The following BTK variants were observed in gnomAD, a reference collection of about 807,000 sequenced individuals.
BTK encodes the protein tyrosine-protein kinase BTK.
BTK carries 5 observed loss-of-function variants against 57.4 expected under a neutral mutation model. The ratio of observed to expected loss-of-function variants is 0.09; its 90% CI spans 0.05 to 0.18. The LOEUF is 0.18. Among genes scored for constraint, BTK ranks in the 10% least tolerant of loss-of-function variants. The probability of loss-of-function intolerance (pLI) is 1.00; values close to 1 mark genes in which losing one functional copy is unlikely to be tolerated. For synonymous variants in BTK, 154 were observed against 174.3 expected (o/e 0.88, Z 0.92); for missense variants, 194 against 501.2 (o/e 0.39, Z 5.85).
rs128621200 is a variant in BTK at position 101,356,102 on chromosome X, A to G, written c.1516T>C (p.Cys506Arg). The part of the protein sequence containing the change: ...QQLLEMCKDV[C>R]EAMEYLESKQ... Reference sequence around the variant, plus strand: ...GACTCCAGGTATTCCATGGCTTCACAGACATCCTTGCACATCTCTAGCAGC... The same window carrying G: ...GACTCCAGGTATTCCATGGCTTCACGGACATCCTTGCACATCTCTAGCAGC... Residue 506 changes from cysteine to arginine, a missense_variant, in exon 15 of 19, where the codon TGT (cysteine) becomes CGT (arginine). Around this residue, in one of 3 missense-constraint regions of BTK, gnomAD observed 79 missense variants for 217.7 expected, o/e 0.36. Coordinates refer to ENST00000308731, the MANE Select transcript of BTK (RefSeq NM_000061.3). 1 of 1,211,505 alleles carries G rather than the reference A, an allele frequency of 8.3e-7. No individual in the cohort carries two copies. The highest frequency in any genetic ancestry group is 1.1e-6 in the Non-Finnish European group (1 of 895,511).
chrX:101,383,965 A>T (rs1163541924), intron 1 of BTK, among the ~76,000 whole-genome samples: 1 of 111,575 alleles, frequency 9.0e-6, no homozygotes, highest in African/African-American at 3.3e-5. Context: ...AAATATGTCA[A>T]GGCCTCTTTT....
Position 101,349,965 on chromosome X carries a change from A to G in BTK, c.1909-9T>C, listed in dbSNP as rs782702231. ...GGACGCTCATCTGCTTTCTAAAACC[A>G]AAGAAAAAGTAAAGTGTTAGAGTGG... On this transcript the variant is annotated splice_polypyrimidine_tract_variant and intron_variant, in intron 18 of 18. Coordinates refer to ENST00000308731, the MANE Select transcript of BTK (RefSeq NM_000061.3). The G allele has an allele frequency of 6.5e-4, 773 of 1,180,184 alleles. 1 individual carries two copies. Among genetic ancestry groups the G allele is most frequent in the Non-Finnish European group, 8.2e-4 (713 of 868,523 alleles).
upstream of BTK, among the ~76,000 whole-genome samples, chrX:101,390,306 TTGA>T (rs1231657164): frequency 2.4e-4 from 27 of 112,138 alleles, no homozygotes; most frequent in Admixed American, 1.0e-3. Context: ...ACTTCTAGGC[TTGA>T]TGATTGCTAT....
chrX:101,372,745 T>C (rs189332553), intron 3 of BTK, among the ~76,000 whole-genome samples: 13 of 105,697 alleles, frequency 1.2e-4, no homozygotes, highest in Admixed American at 5.0e-4. Context: ...ACGCCCCACC[T>C]GAAATGCTAT....
intron 8 of BTK, 61 bp from the exon 9 acceptor site, chrX:101,360,211 C>T (rs1387592143): frequency 1.2e-6 from 1 of 828,364 alleles, no homozygotes; most frequent in Non-Finnish European, 1.8e-6. Flanking sequence ...GAGACAGATT[C>T]ATATGCCCAC....
chrX:101,354,562 A>G (rs2147425670), intron 16 of BTK, 68 bp downstream of exon 16: 1 of 1,057,333 alleles, frequency 9.5e-7, no homozygotes, highest in African/African-American at 1.8e-5. Context: ...TAAAACTGTA[A>G]CACCTACCCA....
At chrX:101,357,619 T>C (rs897305630) in intron 12 of BTK, 36 bp from the exon 13 acceptor site, 1 of 1,118,303 alleles carries the variant, frequency 8.9e-7, no homozygotes, top group East Asian at 3.0e-5. Flanking sequence ...GTTGGTGTGG[T>C]GTAGGAGGTG....
chrX:101,350,909 T>C (rs1285745221), intron 18 of BTK, among the ~76,000 whole-genome samples: 2 of 112,268 alleles, frequency 1.8e-5, no homozygotes, highest in African/African-American at 3.2e-5. Flanking sequence ...CTTAGCTGAG[T>C]ATCAGAATTT....
intron 18 of BTK, among the ~76,000 whole-genome samples, chrX:101,351,608 ACT>A (rs1485980794): frequency 9.0e-6 from 1 of 111,439 alleles, no homozygotes; most frequent in Admixed American, 9.6e-5. Flanking sequence ...CTTGTTGGAC[ACT>A]CTGAAGAGTT....
intron 1 of BTK, among the ~76,000 whole-genome samples, chrX:101,383,597 G>A (rs1302171020): frequency 1.9e-5 from 2 of 107,761 alleles, no homozygotes; most frequent in Non-Finnish European, 3.8e-5. Flanking sequence ...CTTCCAGCTT[G>A]TCTAAAACTT....
At position 101,356,813 on chromosome X, in the gene BTK, A is replaced by C; in HGVS notation, c.1320T>G (p.Asp440Glu). 1 of 1,211,729 alleles carries C rather than the reference A, an allele frequency of 8.3e-7. No individual in the cohort carries two copies. The highest frequency in any genetic ancestry group is 1.1e-6 in the Non-Finnish European group (1 of 895,541). Residue 440 changes from aspartate to glutamate, a missense_variant, in exon 14 of 19, where the codon GAT becomes GAG. Coordinates refer to ENST00000308731, the MANE Select transcript of BTK (RefSeq NM_000061.3). ...KMIKEGSMSE[D>E]EFIEEAKVMM... ...TGACTTTGGCTTCTTCAATGAATTC[A>C]TCTTCAGACATGGAGCCTTCTTTGA...
In BTK at chrX:101,359,060, C is replaced by T. The variant is rs372085454; in HGVS notation, c.894+233G>A. Among the ~76,000 whole-genome samples the T allele has an allele frequency of 6.1e-4, 68 of 111,848 alleles. 1 individual carries two copies. The highest frequency in any genetic ancestry group is 2.0e-3 in the African/African-American group (60 of 30,757). ...GGCTGAGGTAGGAGAATTACTTGAACCCAGAAGGCGGAGGTTGCAGTGAGC... is the reference window on the plus strand; with the variant it reads ...GGCTGAGGTAGGAGAATTACTTGAATCCAGAAGGCGGAGGTTGCAGTGAGC... On this transcript the variant is annotated intron_variant, in intron 10 of 18. Coordinates refer to ENST00000308731, the MANE Select transcript of BTK (RefSeq NM_000061.3).
At chrX:101,387,924 TGG>T (rs1927671983), upstream of BTK, among the ~76,000 whole-genome samples, 1 of 107,038 alleles carries the variant, frequency 9.3e-6, no homozygotes, top group Admixed American at 1.0e-4. Flanking sequence ...TGGAGTGCAG[TGG>T]CATGATCTCG....
chrX:101,387,492 T>C (rs926624581), upstream of BTK, among the ~76,000 whole-genome samples: 1 of 107,238 alleles, frequency 9.3e-6, no homozygotes, highest in Non-Finnish European at 1.9e-5. Context: ...CCTGGGACTA[T>C]AGGCACACAT....
rs1166507197 is a variant in BTK at position 101,349,644 on chromosome X, A to G, written c.*241T>C. On this transcript the variant is annotated 3_prime_UTR_variant, in exon 19 of 19. Coordinates refer to ENST00000308731, the MANE Select transcript of BTK (RefSeq NM_000061.3). ...CCCTCCTAAAAAATATTTTCATCGC[A>G]AATTCAGTCTGTCTTAATTCTCTCG... 1 of 375,569 alleles carries G rather than the reference A, an allele frequency of 2.7e-6. No individual in the cohort carries two copies. The highest frequency in any genetic ancestry group is 4.6e-6 in the Non-Finnish European group (1 of 216,591). The allele number at this position is 375,569 out of a possible 1,213,427, so 31.0% of individuals were successfully genotyped here.
At chrX:101,371,549 G>A in intron 4 of BTK, 84 bp downstream of exon 4, 1 of 837,908 alleles carries the variant, frequency 1.2e-6, no homozygotes, top group Non-Finnish European at 1.8e-6. Context: ...GGTCCTCGTA[G>A]CCTTCCCTCT....
chrX:101,355,445 TAAGTAAGAG>T (rs1926439536), intron 15 of BTK: 1 of 117,916 alleles, frequency 8.5e-6, no homozygotes, highest in African/African-American at 3.3e-5. Context: ...CCAGGCAAGT[TAAGTAAGAG>T]TGAAGTGAAG....
chrX:101,356,969 C>T lies in BTK; in HGVS notation c.1178-14G>A, dbSNP rs1555977943. The T allele has an allele frequency of 8.3e-7, 1 of 1,209,889 alleles. No individual in the cohort carries two copies. Among genetic ancestry groups the T allele is most frequent in the Middle Eastern group, 2.3e-4 (1 of 4,347 alleles). ...TTTCCCATGATCCTAACAATAAAGT[C>T]TTGGTGTGATTCTTTGGGGTCATGA... is the stretch of plus-strand genomic sequence containing the variant. On this transcript the variant is annotated splice_polypyrimidine_tract_variant and intron_variant, in intron 13 of 18. Coordinates refer to ENST00000308731, the MANE Select transcript of BTK (RefSeq NM_000061.3).
In BTK at chrX:101,359,399, G is replaced by A. The variant is rs782470640; in HGVS notation, c.840-52C>T. On this transcript the variant is annotated intron_variant, in intron 9 of 18. Transcript: ENST00000308731. ...GGCTCCTGGTCATAAGCAGATTGGA[G>A]GTTACAGCACCCTCCAGGGCTTGTC... 39 of 1,120,312 alleles carry A rather than the reference G, an allele frequency of 3.5e-5. No individual in the cohort carries two copies. In the South Asian group the frequency reaches 5.8e-4, roughly 17 times the overall value. The allele number at this position is 1,120,312 out of a possible 1,213,427, so 92.3% of individuals were successfully genotyped here.
Sources: allele counts gnomAD v4.1 joint callset (sites outside exome capture counted in the v4.1 genomes callset), GRCh38; gene constraint gnomAD v4.1.1; regional missense constraint gnomAD v4.1.1; transcripts MANE v1.5; gene names NCBI Gene and HGNC (gene_info 2026-07-23, HGNC 2026-07-21).